Variants in STPG2 observed in about 807,000 individuals in gnomAD.
STPG2 encodes the protein sperm tail PG-rich repeat containing 2, also known as sperm-tail PG-rich repeat-containing protein 2.
In STPG2, 56 loss-of-function variants were observed where a neutral mutation model predicts 54.2. The observed-to-expected ratio is 1.03, with a 90% CI of 0.83 to 1.29. The LOEUF (loss-of-function observed/expected upper bound fraction) is 1.29, where lower values mean the gene tolerates loss of function less well. STPG2 is among the 50% of genes most tolerant of loss of function. The probability of loss-of-function intolerance (pLI) is 0.00; values close to 1 mark genes in which losing one functional copy is unlikely to be tolerated. For missense variants in STPG2, 596 were observed against 544.9 expected, an observed-to-expected ratio of 1.09 and a Z score of -0.93; for synonymous variants, 200 against 181.8, an observed-to-expected ratio of 1.10 and a Z score of -0.81.
At chr4:97,990,432 G>A (rs772843873) in intron 5 of STPG2, among the ~76,000 whole-genome samples, 1 of 152,134 alleles carries the variant, frequency 6.6e-6, no homozygotes, top group South Asian at 2.1e-4. Flanking sequence ...CCTCAAAGTT[G>A]AAAATGCTGT....
chr4:98,111,217 A>C (rs2110146220), intron 3 of STPG2, among the ~76,000 whole-genome samples: 1 of 152,194 alleles, frequency 6.6e-6, no homozygotes, highest in East Asian at 1.9e-4. Flanking sequence ...GGACCTCATT[A>C]CATTTGAAAA....
Position 98,051,504 on chromosome 4 carries a change from G to C in STPG2, c.612+54449C>G, listed in dbSNP as rs537837428. On this transcript the variant is annotated intron_variant, in intron 5 of 10. Coordinates refer to ENST00000295268, the MANE Select transcript of STPG2 (RefSeq NM_174952.3). ...ATAGGACTAGTGGCTTTATAGGAAGGAAGACAGACCTGAGCTGACATGCTC... is the reference window on the plus strand; with the variant it reads ...ATAGGACTAGTGGCTTTATAGGAAGCAAGACAGACCTGAGCTGACATGCTC... Among the ~76,000 whole-genome samples, 12 of 152,116 alleles carry C rather than the reference G, an allele frequency of 7.9e-5. No individual in the cohort carries two copies. In the South Asian group the frequency reaches 2.5e-3, roughly 32 times the overall value.
intron 5 of STPG2, among the ~76,000 whole-genome samples, chr4:98,091,700 T>C (rs1400505950): frequency 6.1e-5 from 3 of 49,362 alleles, no homozygotes; most frequent in Non-Finnish European, 1.0e-4. Flanking sequence ...TAATTGTTCA[T>C]TGAGTAATAA....
chr4:97,669,350 T>C (rs1247430721), intron 10 of STPG2, among the ~76,000 whole-genome samples: 1 of 152,220 alleles, frequency 6.6e-6, no homozygotes, highest in Non-Finnish European at 1.5e-5. Flanking sequence ...CTAATAATGC[T>C]TCTATTGAAG....
At chr4:97,844,022 G>A (rs1006655162) in intron 8 of STPG2, among the ~76,000 whole-genome samples, 2 of 151,660 alleles carry the variant, frequency 1.3e-5, no homozygotes, top group African/African-American at 4.8e-5. Flanking sequence ...GAGGTTTCAG[G>A]AGGTATGAAA....
chr4:97,583,849 C>A (rs1732925280), intron 10 of STPG2, among the ~76,000 whole-genome samples: 1 of 151,658 alleles, frequency 6.6e-6, no homozygotes, highest in Admixed American at 6.6e-5. Context: ...ATATATGCAC[C>A]TAACATGGGA....
intron 7 of STPG2, among the ~76,000 whole-genome samples, chr4:97,950,573 C>G (rs55956043): frequency 0.017 from 2,566 of 152,080 alleles, 84 homozygotes; most frequent in African/African-American, 0.059. Context: ...CTTTTGAATT[C>G]GTTTTCTGGT....
At chr4:97,718,618 T>G (rs1216510395) in intron 9 of STPG2, among the ~76,000 whole-genome samples, 1 of 151,966 alleles carries the variant, frequency 6.6e-6, no homozygotes, top group Non-Finnish European at 1.5e-5. Flanking sequence ...GTCATCAAAA[T>G]TTTTTTACAT....
At chr4:97,908,020 G>T (rs1236051632) in intron 8 of STPG2, among the ~76,000 whole-genome samples, 1 of 152,110 alleles carries the variant, frequency 6.6e-6, no homozygotes, top group African/African-American at 2.4e-5. Flanking sequence ...TGACAAATGG[G>T]ATCTTATTAA....
intron 5 of STPG2, among the ~76,000 whole-genome samples, chr4:98,051,522 A>G (rs771158683): frequency 6.6e-6 from 1 of 152,126 alleles, no homozygotes; most frequent in Non-Finnish European, 1.5e-5. Context: ...ACCTGAGCTG[A>G]CATGCTCCCT....
intron 9 of STPG2, among the ~76,000 whole-genome samples, chr4:97,810,208 A>G (rs1443367512): frequency 6.6e-6 from 1 of 152,152 alleles, no homozygotes; most frequent in Non-Finnish European, 1.5e-5. Context: ...GCTCAGGCCT[A>G]TAATCCCAAC....
intron 9 of STPG2, among the ~76,000 whole-genome samples, chr4:97,828,110 T>C (rs955410177): frequency 6.6e-6 from 1 of 152,098 alleles, no homozygotes; most frequent in African/African-American, 2.4e-5. Flanking sequence ...GATGGCCAAA[T>C]AGGAACAGCC....
chr4:97,930,637 C>T (rs1380430146), intron 8 of STPG2, among the ~76,000 whole-genome samples: 1 of 152,164 alleles, frequency 6.6e-6, no homozygotes, highest in Non-Finnish European at 1.5e-5. Context: ...GTTCTTTTTG[C>T]TTAGGATTGC....
In STPG2 at chr4:97,684,086, C is replaced by T. The variant is rs551022804; in HGVS notation, c.1320+28613G>A. Among the ~76,000 whole-genome samples the T allele has an allele frequency of 3.3e-5, 5 of 151,906 alleles. No homozygotes were observed. In the South Asian group the frequency reaches 1.0e-3, roughly 31 times the overall value. ...GAGATATATGAGGGAAACTATGACA[C>T]ATTTATGAAATAAATCGAAGATATA... On this transcript the variant is annotated intron_variant, in intron 10 of 10. Coordinates refer to ENST00000295268, the MANE Select transcript of STPG2 (RefSeq NM_174952.3).
chr4:98,132,422 T>A (rs1242201391), intron 2 of STPG2, among the ~76,000 whole-genome samples: 1 of 152,046 alleles, frequency 6.6e-6, no homozygotes, highest in Non-Finnish European at 1.5e-5. Flanking sequence ...CATTAACAAG[T>A]ATAATTTAAA....
intron 10 of STPG2, among the ~76,000 whole-genome samples, chr4:97,640,624 A>G (rs1721735091): frequency 6.6e-6 from 1 of 151,764 alleles, no homozygotes; most frequent in South Asian, 2.1e-4. Context: ...ACGGCATTCA[A>G]AACTCTAACT....
intron 10 of STPG2, among the ~76,000 whole-genome samples, chr4:97,559,376 G>A (rs547101460): frequency 6.1e-4 from 93 of 152,104 alleles, no homozygotes; most frequent in African/African-American, 2.2e-3. Context: ...TAGGTCTGTT[G>A]TGCACTTATT....
At position 97,627,994 on chromosome 4, in the gene STPG2, C is replaced by T. The variant is rs187788725; in HGVS notation, c.1321-68877G>A. ...GACATTCAAAGGATTGAATGAGACC[C>T]GCCCACATTGGGGAGGGCAAACTGC... On this transcript the variant is annotated intron_variant, in intron 10 of 10. Coordinates refer to ENST00000295268, the MANE Select transcript of STPG2 (RefSeq NM_174952.3). Among the ~76,000 whole-genome samples, 335 of 152,198 alleles carry T rather than the reference C, an allele frequency of 2.2e-3. 1 individual carries two copies. In the Middle Eastern group the frequency reaches 0.031, roughly 14 times the overall value.
intron 5 of STPG2, among the ~76,000 whole-genome samples, chr4:98,084,961 C>T (rs1738462132): frequency 6.6e-6 from 1 of 152,008 alleles, no homozygotes; most frequent in South Asian, 2.1e-4. Context: ...TTGATGAAGT[C>T]CACTTTATCA....
Sources: gnomAD v4.1 joint callset for allele counts (sites outside exome capture counted in the v4.1 genomes callset) on GRCh38, gnomAD v4.1.1 for gene constraint, MANE v1.5 for transcripts, NCBI Gene and HGNC (gene_info 2026-07-23, HGNC 2026-07-21) for gene names.